The following SPAG16 variants were observed in gnomAD, a reference collection of about 807,000 sequenced individuals.
SPAG16 encodes sperm-associated antigen 16 protein.
In SPAG16, 86 loss-of-function variants were observed where a neutral mutation model predicts 80.4. That is an observed-to-expected ratio of 1.07 (90% CI 0.90 to 1.28). The LOEUF (loss-of-function observed/expected upper bound fraction) is 1.28. Ranked by LOEUF, SPAG16 falls within the 50% of genes most tolerant of loss-of-function variation. The pLI, the probability that SPAG16 is intolerant of heterozygous loss-of-function variation, is 0.00. For missense variants in SPAG16, 870 were observed against 765.3 expected (o/e 1.14, Z -1.61); for synonymous variants, 294 against 265.9 (o/e 1.11, Z -1.03).
chr2:214,252,569 G>A (rs964998529), intron 15 of SPAG16, among the ~76,000 whole-genome samples: 13 of 151,726 alleles, frequency 8.6e-5, no homozygotes, highest in East Asian at 3.9e-4. Context: ...TCTTGTGTTC[G>A]TTTGCTGAGA....
At chr2:213,426,859 A>G (rs973518617) in intron 9 of SPAG16, among the ~76,000 whole-genome samples, 15 of 151,150 alleles carry the variant, frequency 9.9e-5, no homozygotes, top group Admixed American at 8.6e-4. Context: ...ACACACACAC[A>G]CACACACACA....
intron 10 of SPAG16, among the ~76,000 whole-genome samples, chr2:213,659,825 A>C (rs574003257): frequency 3.3e-5 from 5 of 152,278 alleles, no homozygotes; most frequent in African/African-American, 1.2e-4. Flanking sequence ...AGCAAAATTA[A>C]ACAAAACTAA....
intron 10 of SPAG16, among the ~76,000 whole-genome samples, chr2:213,766,659 T>A (rs1453943841): frequency 6.6e-6 from 1 of 152,170 alleles, no homozygotes; most frequent in Non-Finnish European, 1.5e-5. Context: ...AGTAGTTTTA[T>A]GAGCCTTAGA....
At chr2:213,304,119 A>G (rs2062850871) in intron 3 of SPAG16, among the ~76,000 whole-genome samples, 1 of 152,018 alleles carries the variant, frequency 6.6e-6, no homozygotes, top group Non-Finnish European at 1.5e-5. Context: ...TTTGATTGGC[A>G]TTTTTCTGAT....
intron 15 of SPAG16, among the ~76,000 whole-genome samples, chr2:214,312,597 C>A (rs138080931): frequency 1.4e-4 from 21 of 152,216 alleles, no homozygotes; most frequent in Admixed American, 4.6e-4. Flanking sequence ...ATGTATCGAC[C>A]TCCATGTGCC....
chr2:214,152,942 G>A (rs993364661), intron 15 of SPAG16, among the ~76,000 whole-genome samples: 2 of 152,160 alleles, frequency 1.3e-5, no homozygotes, highest in African/African-American at 2.4e-5. Context: ...CAGGTATACA[G>A]GATGGAACAT....
intron 4 of SPAG16, among the ~76,000 whole-genome samples, chr2:213,311,706 C>A (rs2063192693): frequency 6.6e-6 from 1 of 151,400 alleles, no homozygotes; most frequent in African/African-American, 2.4e-5. Flanking sequence ...GTATTGAATA[C>A]CTTATTTCAT....
intron 11 of SPAG16, among the ~76,000 whole-genome samples, chr2:213,920,947 C>G (rs2078192940): frequency 6.6e-6 from 1 of 152,182 alleles, no homozygotes; most frequent in Admixed American, 6.5e-5. Context: ...TCTCCTCCTG[C>G]CAAGATTCCA....
At chr2:214,057,705 A>G (rs2050019903) in intron 13 of SPAG16, among the ~76,000 whole-genome samples, 1 of 152,184 alleles carries the variant, frequency 6.6e-6, no homozygotes. Flanking sequence ...CCTAGATGGC[A>G]TCTTCTTCCA....
chr2:213,475,365 C>A (rs916872714), intron 9 of SPAG16, among the ~76,000 whole-genome samples: 3 of 152,098 alleles, frequency 2.0e-5, no homozygotes, highest in African/African-American at 7.2e-5. Context: ...AGGATGGGGG[C>A]AAAATAATAT....
chr2:214,152,008 G>C (rs759148438), intron 15 of SPAG16, among the ~76,000 whole-genome samples: 5 of 152,094 alleles, frequency 3.3e-5, no homozygotes, highest in African/African-American at 4.8e-5. Context: ...GAGGTGTACT[G>C]TTTAAAAAGA....
intron 10 of SPAG16, among the ~76,000 whole-genome samples, chr2:213,629,666 C>T (rs974807480): frequency 2.0e-5 from 3 of 152,224 alleles, no homozygotes; most frequent in Admixed American, 6.5e-5. Context: ...TTCCTCATGC[C>T]TCTTTTGCTC....
intron 15 of SPAG16, among the ~76,000 whole-genome samples, chr2:214,299,484 A>G (rs1694394488): frequency 1.3e-5 from 2 of 151,962 alleles, no homozygotes; most frequent in East Asian, 3.9e-4. Flanking sequence ...TCTTGACCTC[A>G]TCATTCGCCT....
At chr2:214,108,842 A>G (rs1227072360) in intron 14 of SPAG16, among the ~76,000 whole-genome samples, 1 of 152,200 alleles carries the variant, frequency 6.6e-6, no homozygotes, top group Non-Finnish European at 1.5e-5. Context: ...GTATTCATTC[A>G]GGTGTAAGGA....
intron 12 of SPAG16, among the ~76,000 whole-genome samples, chr2:214,011,707 G>A (rs1559688748): frequency 3.3e-5 from 5 of 152,092 alleles, no homozygotes; most frequent in Admixed American, 2.6e-4. Context: ...ACTGAGGTAA[G>A]GAAACTAATA....
intron 9 of SPAG16, chr2:213,422,422 C>T: frequency 1.6e-6 from 1 of 627,778 alleles, no homozygotes; most frequent in Non-Finnish European, 2.9e-6. Flanking sequence ...GTGGCTGGAC[C>T]TGGTTCTCAC....
chr2:213,740,750 T>C (rs2067511032), intron 10 of SPAG16, among the ~76,000 whole-genome samples: 1 of 152,178 alleles, frequency 6.6e-6, no homozygotes, highest in African/African-American at 2.4e-5. Flanking sequence ...AGGGTAACTG[T>C]TGGCTGAACA....
chr2:214,314,214 C>T (rs1305086263), intron 15 of SPAG16, among the ~76,000 whole-genome samples: 1 of 152,054 alleles, frequency 6.6e-6, no homozygotes, highest in East Asian at 1.9e-4. Flanking sequence ...TATTACCATC[C>T]CATGAATATC....
At chr2:213,814,904 A>G (rs1402557040) in intron 10 of SPAG16, among the ~76,000 whole-genome samples, 1 of 150,786 alleles carries the variant, frequency 6.6e-6, no homozygotes, top group East Asian at 1.9e-4. Flanking sequence ...TAGCTTCTAA[A>G]TACATGAAGC....
Sources: allele counts gnomAD v4.1 joint callset (sites outside exome capture counted in the v4.1 genomes callset), GRCh38; gene constraint gnomAD v4.1.1; transcripts MANE v1.5; gene names NCBI Gene and HGNC (gene_info 2026-07-23, HGNC 2026-07-21).